Variants in NEBL observed in about 807,000 individuals in gnomAD.
NEBL encodes the protein nebulette.
In NEBL, 122 loss-of-function variants were observed where a neutral mutation model predicts 140.2. That is an observed-to-expected ratio of 0.87 (90% CI 0.75 to 1.01). The LOEUF (loss-of-function observed/expected upper bound fraction) is 1.01. Among genes scored for constraint, NEBL ranks in the 50% least tolerant of loss-of-function variants. The probability of loss-of-function intolerance (pLI) is 0.00; values close to 1 mark genes in which losing one functional copy is unlikely to be tolerated. For missense variants in NEBL, 1,365 were observed against 1,231.3 expected (o/e 1.11, Z -1.62); for synonymous variants, 436 against 398.9 (o/e 1.09, Z -1.11).
At chr10:21,107,395 C>T (rs571300162) in intron 2 of NEBL, among the ~76,000 whole-genome samples, 10 of 152,232 alleles carry the variant, frequency 6.6e-5, no homozygotes, top group East Asian at 1.9e-4. Flanking sequence ...TGAATTTTGT[C>T]GGAGGCCTTT....
At chr10:20,989,679 G>C (rs11012465) in intron 3 of NEBL, among the ~76,000 whole-genome samples, 11,711 of 152,102 alleles carry the variant, frequency 0.077, 1,022 homozygotes, top group East Asian at 0.38. Context: ...AAAGCAGAAG[G>C]CCCAGCAATA....
chr10:21,061,403 G>A (rs965262835), intron 2 of NEBL, among the ~76,000 whole-genome samples: 3 of 146,450 alleles, frequency 2.0e-5, no homozygotes, highest in African/African-American at 7.5e-5. Context: ...ATATTACATG[G>A]TACATGATAC....
chr10:20,813,681 A>G (rs1838400631), intron 23 of NEBL: 2 of 419,994 alleles, frequency 4.8e-6, no homozygotes, highest in African/African-American at 2.0e-5. Context: ...CTACACAAAT[A>G]TCTTTCACAC....
At chr10:21,215,227 T>G (rs983904572) in intron 3 of NEBL, among the ~76,000 whole-genome samples, 1 of 152,324 alleles carries the variant, frequency 6.6e-6, no homozygotes. Context: ...GAGGATTTCT[T>G]GAGGCCAGGA....
Position 20,859,788 on chromosome 10 carries a change from A to G in NEBL, c.723T>C (p.Asp241=). The G allele has an allele frequency of 3.8e-6, 6 of 1,592,556 alleles. No homozygotes were observed. The highest frequency in any genetic ancestry group is 5.2e-6 in the Non-Finnish European group (6 of 1,162,672). ...YKEKFDNEMK[D]KKHHYNPLES... is the part of the protein sequence containing the mutation. ...CAAGAGGATTGTAATGATGTTTCTTATCCTTCATTTCATTATCAAATTTTT... is the reference window on the plus strand; with the variant it reads ...CAAGAGGATTGTAATGATGTTTCTTGTCCTTCATTTCATTATCAAATTTTT... Residue 241 remains aspartate (D), a synonymous_variant, in exon 8 of 28, where the codon GAT becomes GAC. Transcript: ENST00000377122.
chr10:20,794,845 GT>G (rs887695911), intron 26 of NEBL, among the ~76,000 whole-genome samples: 1 of 152,156 alleles, frequency 6.6e-6, no homozygotes, highest in Non-Finnish European at 1.5e-5. Context: ...GGGATGTTCG[GT>G]TTTTTTCCTT....
intron 3 of NEBL, among the ~76,000 whole-genome samples, chr10:20,976,281 G>T (rs1462315448): frequency 6.6e-6 from 1 of 151,400 alleles, no homozygotes; most frequent in African/African-American, 2.4e-5. Flanking sequence ...GCAGAAGTTG[G>T]CAGTGAGCCG....
Position 21,261,496 on chromosome 10 carries a change from CA to C in NEBL, n.183-9669del, listed in dbSNP as rs1338517414. On this transcript the variant is annotated intron_variant and non_coding_transcript_variant, in intron 1 of 8. Coordinates refer to the NEBL transcript ENST00000675702. Reference sequence around the variant, plus strand: ...GCAACAAAGTGAGGCACTATCCCTACAAACAATATAAAAATCAGCCAGGCGT... The same window carrying C: ...GCAACAAAGTGAGGCACTATCCCTACAACAATATAAAAATCAGCCAGGCGT... Among the ~76,000 whole-genome samples, 8 of 152,026 alleles carry C rather than the reference CA, an allele frequency of 5.3e-5. No homozygotes were observed. The East Asian group carries it at 1.6e-3, about 30-fold the overall frequency.
chr10:21,256,036 A>AT (rs1377517019), intron 1 of NEBL, among the ~76,000 whole-genome samples: 3 of 152,000 alleles, frequency 2.0e-5, no homozygotes, highest in African/African-American at 7.2e-5. Flanking sequence ...TCTGAGACAA[A>AT]TTTTAATGAT....
At chr10:20,895,363 T>C (rs2131401589) in intron 2 of NEBL, among the ~76,000 whole-genome samples, 1 of 152,296 alleles carries the variant, frequency 6.6e-6, no homozygotes, top group South Asian at 2.1e-4. Flanking sequence ...TTCATGGAAA[T>C]CTACAGGGAG....
intron 3 of NEBL, among the ~76,000 whole-genome samples, chr10:21,240,002 C>T (rs1041289300): frequency 2.7e-5 from 4 of 149,482 alleles, no homozygotes; most frequent in Non-Finnish European, 5.9e-5. Flanking sequence ...GGTGACAGAG[C>T]GAGACTCTGC....
Position 21,173,989 on chromosome 10 carries a change from C to G in NEBL, c.-156G>C. The stretch of plus-strand genomic sequence containing the variant: ...GTCGGCGCCGGGCCACGGGTGAGTG[C>G]ACGGGGAGGGCGACGGGGCCTGGCG... On this transcript the variant is annotated 5_prime_UTR_variant, in exon 1 of 7. Transcript: ENST00000417816. The surrounding 1 kb of genome is among the most constrained non-coding windows in gnomAD (Gnocchi z 5.7). The G allele has an allele frequency of 8.1e-7, 1 of 1,236,404 alleles. No individual in the cohort carries two copies. Among genetic ancestry groups the G allele is most frequent in the Non-Finnish European group, 1.0e-6 (1 of 993,882 alleles). The allele number at this position is 1,236,404 out of a possible 1,614,324, so 76.6% of individuals were successfully genotyped here. A position where few individuals can be genotyped will look rare whatever the true frequency, so the allele number is the denominator to read the frequency against.
chr10:20,874,355 A>G (rs1198550864), intron 5 of NEBL, among the ~76,000 whole-genome samples: 2 of 152,202 alleles, frequency 1.3e-5, no homozygotes, highest in Non-Finnish European at 2.9e-5. Flanking sequence ...TTTGGAAACC[A>G]TGATTAATGA....
At chr10:21,160,535 G>A (rs2132152001) in intron 2 of NEBL, among the ~76,000 whole-genome samples, 1 of 150,956 alleles carries the variant, frequency 6.6e-6, no homozygotes, top group Non-Finnish European at 1.5e-5. Context: ...TAAGCATCTA[G>A]AAATTTTTAA....
At chr10:21,194,583 A>G (rs995600151) in intron 3 of NEBL, among the ~76,000 whole-genome samples, 14 of 152,146 alleles carry the variant, frequency 9.2e-5, no homozygotes, top group African/African-American at 3.4e-4. Flanking sequence ...AGGGAAGGGC[A>G]CCTTTTTCTA....
chr10:21,056,096 C>G (rs1027980062), intron 2 of NEBL, among the ~76,000 whole-genome samples: 1 of 152,184 alleles, frequency 6.6e-6, no homozygotes, highest in African/African-American at 2.4e-5. Context: ...CTGACACAGG[C>G]TAGACACTAG....
At chr10:20,872,005 C>T (rs534003843) in intron 5 of NEBL, among the ~76,000 whole-genome samples, 17 of 152,126 alleles carry the variant, frequency 1.1e-4, no homozygotes, top group Non-Finnish European at 2.5e-4. Flanking sequence ...TTCTAAGTTA[C>T]TACATTCATA....
chr10:20,788,030 T>C (rs1437997828), intron 26 of NEBL, among the ~76,000 whole-genome samples: 1 of 152,194 alleles, frequency 6.6e-6, no homozygotes, highest in Non-Finnish European at 1.5e-5. Context: ...ATTCATTTAG[T>C]ATGTGCTCTC....
chr10:20,805,031 G>A (rs934255471), intron 26 of NEBL, among the ~76,000 whole-genome samples: 8 of 152,156 alleles, frequency 5.3e-5, no homozygotes, highest in Non-Finnish European at 1.2e-4. Context: ...AGCAACAATG[G>A]AGGTAGGGCC....
Sources: gnomAD v4.1 joint callset for allele counts (sites outside exome capture counted in the v4.1 genomes callset) on GRCh38, gnomAD v4.1.1 for gene constraint, Gnocchi (gnomAD v3.1) non-coding constraint, MANE v1.5 for transcripts, NCBI Gene and HGNC (gene_info 2026-07-23, HGNC 2026-07-21) for gene names.